The following MACF1 variants were observed in gnomAD, a reference collection of about 807,000 sequenced individuals.
MACF1 encodes microtubule-actin cross-linking factor 1.
MACF1 carries 193 observed loss-of-function variants against 854.8 expected under a neutral mutation model. The observed-to-expected ratio is 0.23, with a 90% CI of 0.20 to 0.25. The LOEUF (loss-of-function observed/expected upper bound fraction) is 0.25, where lower values mean the gene tolerates loss of function less well. Ranked by LOEUF, MACF1 falls within the 10% of genes least tolerant of loss-of-function variation. The pLI is 1.00. For missense variants in MACF1, 7,722 were observed against 8,929.1 expected, an observed-to-expected ratio of 0.86 and a Z score of 5.45; for synonymous variants, 3,185 against 3,226.7, an observed-to-expected ratio of 0.99 and a Z score of 0.44.
intron 22 of MACF1, among the ~76,000 whole-genome samples, chr1:39,300,719 C>T (rs550291160): frequency 2.6e-5 from 4 of 152,206 alleles, no homozygotes; most frequent in South Asian, 2.1e-4. Flanking sequence ...ATCCCTTAAA[C>T]GTACTTTTTC....
At chr1:39,234,550 C>A in intron 2 of MACF1, among the ~76,000 whole-genome samples, 1 of 109,756 alleles carries the variant, frequency 9.1e-6, no homozygotes, top group Non-Finnish European at 2.0e-5. Context: ...GGGGGGCTGA[C>A]CCCCCCACCT....
At chr1:39,452,567 G>C (rs1180608636) in intron 86 of MACF1, 117 bp from the exon 87 acceptor site, 17 of 1,353,070 alleles carry the variant, frequency 1.3e-5, no homozygotes, top group Non-Finnish European at 1.5e-5. Context: ...CCTTTGTGGA[G>C]TTTTGATGAG....
chr1:39,416,515 C>A (rs1643317809), intron 58 of MACF1, among the ~76,000 whole-genome samples: 1 of 151,828 alleles, frequency 6.6e-6, no homozygotes, highest in African/African-American at 2.4e-5. Context: ...AACAGAATAT[C>A]TCCAGTATAA....
At chr1:39,429,091 A>T (rs1308506556) in intron 63 of MACF1, 151 bp from the exon 64 acceptor site, 1 of 530,008 alleles carries the variant, frequency 1.9e-6, no homozygotes, top group East Asian at 3.2e-5. Flanking sequence ...TCAATGGGCT[A>T]ACCAAGGAGA....
rs569931787 is a variant in MACF1 at position 39,334,147 on chromosome 1, A to G, written c.7559A>G (p.Asn2520Ser). ...HISGMRLSVD[N>S]AFRHGLIGED... The stretch of plus-strand genomic sequence containing the variant: ...TCTGGGATGAGACTTTCTGTTGATA[A>G]TGCCTTCAGACATGGCTTAATTGGT... Residue 2520 changes from asparagine to serine, a missense_variant, in exon 37 of 101, where the codon AAT becomes AGT. Asn to Ser is a conservative substitution (Grantham distance 46). This residue lies in a region of MACF1 where 1,531 missense variants were observed against 1,601.6 expected (regional missense o/e 0.96). Coordinates refer to ENST00000564288, the MANE Select transcript of MACF1 (RefSeq NM_001394062.1). The G allele has an allele frequency of 4.3e-6, 7 of 1,614,170 alleles. No individual in the cohort carries two copies. In the African/African-American group the frequency reaches 5.3e-5, roughly 12 times the overall value.
intron 2 of MACF1, among the ~76,000 whole-genome samples, chr1:39,177,710 G>A (rs16825887): frequency 0.16 from 24,235 of 151,938 alleles, 2,402 homozygotes; most frequent in Middle Eastern, 0.22. Context: ...AGCTCCAAGA[G>A]GTAACTGGGA....
intron 80 of MACF1, among the ~76,000 whole-genome samples, chr1:39,446,516 G>A (rs1281121581): frequency 3.3e-5 from 5 of 149,778 alleles, no homozygotes; most frequent in African/African-American, 9.8e-5. Context: ...GGTGGGGGGT[G>A]GTTACAAAAA....
At chr1:39,165,695 G>A (rs1643875557) in intron 2 of MACF1, among the ~76,000 whole-genome samples, 1 of 152,166 alleles carries the variant, frequency 6.6e-6, no homozygotes, top group Non-Finnish European at 1.5e-5. Flanking sequence ...TCTATTGGTT[G>A]TTGGAGAAAC....
intron 58 of MACF1, among the ~76,000 whole-genome samples, chr1:39,393,196 A>AATATATATATAT (rs1553345251): frequency 1.2e-3 from 77 of 66,540 alleles, no homozygotes; most frequent in African/African-American, 1.3e-3. Context: ...AAAAAAAAAA[A>AATATATATATAT]ATATATATAT....
intron 97 of MACF1, among the ~76,000 whole-genome samples, chr1:39,473,674 T>G (rs1644820645): frequency 1.4e-5 from 2 of 145,900 alleles, no homozygotes; most frequent in South Asian, 4.6e-4. Context: ...TCATGAAGGT[T>G]GCGAGATCCA....
At chr1:39,477,075 A>ACACACACATATATAAACTTAGTG (rs1331285017) in intron 97 of MACF1, among the ~76,000 whole-genome samples, 1 of 51,308 alleles carries the variant, frequency 1.9e-5, no homozygotes, top group Non-Finnish European at 3.3e-5. Context: ...ATATATATAT[A>ACACACACATATATAAACTTAGTG]TATATATATA....
intron 2 of MACF1, among the ~76,000 whole-genome samples, chr1:39,158,725 A>G (rs181072811): frequency 3.3e-4 from 51 of 152,252 alleles, no homozygotes; most frequent in Middle Eastern, 3.4e-3. Flanking sequence ...CATTTGCACA[A>G]AGGAGGGGCT....
chr1:39,359,413 A>G (rs1647867052), intron 47 of MACF1, 149 bp downstream of exon 47: 6 of 954,356 alleles, frequency 6.3e-6, no homozygotes, highest in African/African-American at 3.3e-5. Flanking sequence ...TTGTCATCAA[A>G]GAGCTTATCC....
rs770099434 is a variant in MACF1, at chr1:39,300,381, T to A, written c.2634+19T>A. 3 of 1,610,122 alleles carry A rather than the reference T, an allele frequency of 1.9e-6. No homozygotes were observed. Among genetic ancestry groups the A allele is most frequent in the Non-Finnish European group, 2.5e-6 (3 of 1,178,054 alleles). On this transcript the variant is annotated intron_variant, in intron 22 of 100. Transcript: ENST00000564288. ...GATCGAGGTGAGGAGGTAGAAAGGG[T>A]ACCTCTGGGCCACAGGGGGAAGGAA...
chr1:39,383,694 A>G (rs1650442982), intron 56 of MACF1, among the ~76,000 whole-genome samples: 2 of 152,180 alleles, frequency 1.3e-5, no homozygotes, highest in South Asian at 4.1e-4. Flanking sequence ...TGGCTTGCAC[A>G]GTGAAACCCT....
intron 23 of MACF1, chr1:39,304,565 CT>C (rs372120678): frequency 0.064 from 43,382 of 675,228 alleles, 1 homozygote; most frequent in South Asian, 0.076. Flanking sequence ...TCTTTTCTTT[CT>C]TTTTTTTTTT....
Position 39,468,751 on chromosome 1 carries a change from C to T in MACF1, c.21889+19C>T, listed in dbSNP as rs1289769255. On this transcript the variant is annotated intron_variant, in intron 96 of 100. Coordinates refer to ENST00000564288, the MANE Select transcript of MACF1 (RefSeq NM_001394062.1). ...TGCCGAGGTAAGGAACCATTCTAAGCATGAATTACGTGTTAGGTATGCCCC... is the reference window on the plus strand; with the variant it reads ...TGCCGAGGTAAGGAACCATTCTAAGTATGAATTACGTGTTAGGTATGCCCC... 2.4e-5 allele frequency: 38 copies of T among 1,597,346 alleles called. No homozygotes were observed. The highest frequency in any genetic ancestry group is 3.3e-5 in the Non-Finnish European group (38 of 1,164,852).
At chr1:39,412,811 C>G in intron 58 of MACF1, 1 of 1,612,638 alleles carries the variant, frequency 6.2e-7, no homozygotes. Context: ...GCCCTAGATG[C>G]TGCACTGCCC....
At chr1:39,183,383 T>C (rs1055747044) in intron 2 of MACF1, among the ~76,000 whole-genome samples, 2 of 152,178 alleles carry the variant, frequency 1.3e-5, no homozygotes, top group African/African-American at 4.8e-5. Context: ...GTTATAAAAA[T>C]ATTAGGCTGA....
Sources: allele counts gnomAD v4.1 joint callset (sites outside exome capture counted in the v4.1 genomes callset), GRCh38; gene constraint gnomAD v4.1.1; regional missense constraint gnomAD v4.1.1; transcripts MANE v1.5; gene names NCBI Gene and HGNC (gene_info 2026-07-23, HGNC 2026-07-21).